The following MELK variants were observed in gnomAD, a reference collection of about 807,000 sequenced individuals.
MELK encodes the protein pEg3 kinase.
A neutral mutation model predicts 85.0 loss-of-function variants in MELK; 81 were observed. The observed-to-expected ratio is 0.95, with a 90% CI of 0.80 to 1.15. MELK has a LOEUF of 1.15. MELK is among the 50% of genes most tolerant of loss of function. The pLI is 0.00. For synonymous variants in MELK, 252 were observed against 265.0 expected, an observed-to-expected ratio of 0.95 and a Z score of 0.48; for missense variants, 754 against 777.5, an observed-to-expected ratio of 0.97 and a Z score of 0.36.
chr9:36,635,996 T>C (rs906854253), intron 10 of MELK, among the ~76,000 whole-genome samples: 8 of 150,564 alleles, frequency 5.3e-5, no homozygotes, highest in African/African-American at 1.5e-4. Context: ...GGGGTTTCAC[T>C]GTGTTGGCCA....
intron 14 of MELK, among the ~76,000 whole-genome samples, chr9:36,668,205 G>T (rs1254029147): frequency 2.0e-5 from 3 of 152,222 alleles, no homozygotes; most frequent in Non-Finnish European, 4.4e-5. Flanking sequence ...TGTATACAAA[G>T]ATGAAAACTG....
intron 11 of MELK, among the ~76,000 whole-genome samples, chr9:36,651,181 A>T (rs1000813203): frequency 1.3e-5 from 2 of 152,168 alleles, no homozygotes; most frequent in African/African-American, 4.8e-5. Flanking sequence ...CAATTAAAAG[A>T]TTAATAATTG....
chr9:36,600,105 T>G lies in MELK; in HGVS notation c.567+619T>G, dbSNP rs1262867804. Reference sequence around the variant, plus strand: ...TCTTTTTTTGTTTTGTTTTGTTTTTTTTTTTTGAGACGGAGTCTCACTCTG... The same window carrying G: ...TCTTTTTTTGTTTTGTTTTGTTTTTGTTTTTTGAGACGGAGTCTCACTCTG... On this transcript the variant is annotated intron_variant, in intron 7 of 17. Transcript: ENST00000298048. Among the ~76,000 whole-genome samples, 4 of 152,156 alleles carry G rather than the reference T, an allele frequency of 2.6e-5. No individual in the cohort carries two copies. In the South Asian group the frequency reaches 8.3e-4, roughly 32 times the overall value.
chr9:36,645,708 C>G (rs1830159556), intron 11 of MELK, among the ~76,000 whole-genome samples: 1 of 152,098 alleles, frequency 6.6e-6, no homozygotes, highest in African/African-American at 2.4e-5. Flanking sequence ...GATGATGATT[C>G]AGTTGGTCTA....
At chr9:36,673,769 A>G (rs1833099506) in intron 16 of MELK, among the ~76,000 whole-genome samples, 1 of 152,220 alleles carries the variant, frequency 6.6e-6, no homozygotes, top group Admixed American at 6.5e-5. Context: ...GGCATTATAT[A>G]TAACATCTGT....
At position 36,677,545 on chromosome 9, in the gene MELK, T is replaced by C; in HGVS notation, c.*208T>C. 2.5e-6 allele frequency: 1 copy of C among 405,476 alleles called. No individual in the cohort carries two copies. Among genetic ancestry groups the C allele is most frequent in the Non-Finnish European group, 4.3e-6 (1 of 233,608 alleles). 25.1% of individuals were successfully genotyped at this position (405,476 alleles called of 1,614,324 possible). The stretch of plus-strand genomic sequence containing the variant: ...AAGCCCATCTGTCATTATGTTACTG[T>C]CTTTTTTAATCATGTGGTTTTGTAT... On this transcript the variant is annotated 3_prime_UTR_variant, in exon 18 of 18. Transcript: ENST00000298048.
At chr9:36,632,853 T>A (rs1311771109) in intron 9 of MELK, among the ~76,000 whole-genome samples, 1 of 152,242 alleles carries the variant, frequency 6.6e-6, no homozygotes, top group African/African-American at 2.4e-5. Flanking sequence ...TCACGAATAA[T>A]GTCCATACCA....
intron 6 of MELK, among the ~76,000 whole-genome samples, chr9:36,598,869 G>A (rs1824591381): frequency 6.6e-6 from 1 of 152,238 alleles, no homozygotes; most frequent in South Asian, 2.1e-4. Flanking sequence ...CCAGGTTGTA[G>A]TGGTGTTGGG....
At chr9:36,616,545 G>A (rs1440804004) in intron 8 of MELK, among the ~76,000 whole-genome samples, 1 of 151,658 alleles carries the variant, frequency 6.6e-6, no homozygotes, top group Admixed American at 6.6e-5. Context: ...TCCCACCACC[G>A]CGCCTAGCTA....
In MELK at chr9:36,657,251, G is replaced by A; in HGVS notation, c.1064G>A (p.Trp355Ter). The A allele has an allele frequency of 1.2e-6, 2 of 1,610,928 alleles. No homozygotes were observed. The highest frequency in any genetic ancestry group is 1.1e-5 in the South Asian group (1 of 90,122). Residue 355 changes from tryptophan (W) to a stop codon, truncating the protein, a stop_gained, in exon 13 of 18, where the codon TGG (tryptophan) becomes TAG (stop). Transcript: ENST00000298048. LOFTEE classifies it high-confidence loss of function. ...TCTTTCATTGAGTAGTCAAATAATTGGAGTCTGGAAGATGTGACCGCAAGT... is the reference window on the plus strand; with the variant it reads ...TCTTTCATTGAGTAGTCAAATAATTAGAGTCTGGAAGATGTGACCGCAAGT... ...TPFTDIKSNN[W>*]SLEDVTASDK...
chr9:36,595,852 G>A (rs530631578), intron 5 of MELK, among the ~76,000 whole-genome samples: 2 of 152,190 alleles, frequency 1.3e-5, no homozygotes, highest in East Asian at 3.9e-4. Flanking sequence ...GCCTTGCTCT[G>A]TTATCCAGGC....
At chr9:36,611,560 T>C (rs1290522074) in intron 8 of MELK, among the ~76,000 whole-genome samples, 1 of 152,098 alleles carries the variant, frequency 6.6e-6, no homozygotes, top group African/African-American at 2.4e-5. Flanking sequence ...CAGAATATCA[T>C]TGAGGTTTTT....
chr9:36,660,440 C>T (rs990504450), intron 13 of MELK, among the ~76,000 whole-genome samples: 1 of 152,028 alleles, frequency 6.6e-6, no homozygotes, highest in Non-Finnish European at 1.5e-5. Context: ...GCCTCAGCCT[C>T]CCGAGTATCG....
rs1454235585 is a variant in MELK, at chr9:36,583,713, G to T, written c.144+1G>T. On this transcript the variant is annotated splice_donor_variant, in intron 3 of 17. Coordinates refer to ENST00000298048, the MANE Select transcript of MELK (RefSeq NM_014791.4). LOFTEE classifies it high-confidence loss of function. ...AATCATGGATAAAAACACACTAGGG[G>T]TAAGTTTAGATTTATTTAAAAAATA... 1 of 1,596,298 alleles carries T rather than the reference G, an allele frequency of 6.3e-7. No homozygotes were observed. The highest frequency in any genetic ancestry group is 1.7e-5 in the Admixed American group (1 of 59,686).
At chr9:36,603,359 AT>A (rs1216937878) in intron 7 of MELK, among the ~76,000 whole-genome samples, 5 of 152,110 alleles carry the variant, frequency 3.3e-5, no homozygotes, top group Non-Finnish European at 7.4e-5. Context: ...GACATGTTCC[AT>A]TGTAAATATC....
At chr9:36,670,935 C>T (rs1832827427) in intron 15 of MELK, 63 bp from the exon 16 acceptor site, 2 of 1,514,166 alleles carry the variant, frequency 1.3e-6, no homozygotes. Flanking sequence ...AAAGTTCACC[C>T]TTGTGGACCC....
At chr9:36,621,738 GTTTA>G (rs373132539) in intron 8 of MELK, among the ~76,000 whole-genome samples, 431 of 152,214 alleles carry the variant, frequency 2.8e-3, no homozygotes, top group Middle Eastern at 0.017. Flanking sequence ...CCTCTATGCT[GTTTA>G]TTTGTCTTCA....
intron 13 of MELK, among the ~76,000 whole-genome samples, chr9:36,659,398 G>A (rs539974569): frequency 5.9e-5 from 9 of 152,302 alleles, no homozygotes; most frequent in African/African-American, 1.2e-4. Context: ...GGCAGCTCTG[G>A]TAATCAGATT....
chr9:36,629,267 A>G (rs930109803), intron 8 of MELK, among the ~76,000 whole-genome samples: 4 of 152,224 alleles, frequency 2.6e-5, no homozygotes, highest in Non-Finnish European at 4.4e-5. Flanking sequence ...TTATCTTAGC[A>G]TCATTAAACA....
Sources: gnomAD v4.1 joint callset for allele counts (sites outside exome capture counted in the v4.1 genomes callset) on GRCh38, gnomAD v4.1.1 for gene constraint, MANE v1.5 for transcripts, NCBI Gene and HGNC (gene_info 2026-07-23, HGNC 2026-07-21) for gene names.